The following RPH3A variants were observed in gnomAD, a reference collection of about 807,000 sequenced individuals.
RPH3A encodes the protein rabphilin-3A.
RPH3A carries 48 observed loss-of-function variants against 102.2 expected under a neutral mutation model. The ratio of observed to expected loss-of-function variants is 0.47; its 90% CI spans 0.37 to 0.60. The LOEUF (loss-of-function observed/expected upper bound fraction) is 0.60. RPH3A is among the 20% of genes least tolerant of loss of function. The pLI, the probability that RPH3A is intolerant of heterozygous loss-of-function variation, is 0.00. For missense variants in RPH3A, 781 were observed against 910.1 expected (o/e 0.86, Z 1.83); for synonymous variants, 310 against 324.3 (o/e 0.96, Z 0.47).
At chr12:112,807,893 T>C (rs2041499416) in intron 2 of RPH3A, among the ~76,000 whole-genome samples, 1 of 152,206 alleles carries the variant, frequency 6.6e-6, no homozygotes, top group Admixed American at 6.5e-5. Context: ...ACCTGCTATC[T>C]ACTTTAATTA....
At chr12:112,810,045 G>T (rs1304141475) in intron 2 of RPH3A, among the ~76,000 whole-genome samples, 1 of 152,174 alleles carries the variant, frequency 6.6e-6, no homozygotes, top group Non-Finnish European at 1.5e-5. Flanking sequence ...ATGTGAAAAA[G>T]TAAACAGGCC....
chr12:112,845,638 A>G (rs2042217343), intron 4 of RPH3A, among the ~76,000 whole-genome samples: 1 of 152,204 alleles, frequency 6.6e-6, no homozygotes, highest in South Asian at 2.1e-4. Context: ...CTGTATAATT[A>G]GGCATTTAAC....
intron 3 of RPH3A, among the ~76,000 whole-genome samples, chr12:112,835,538 C>T (rs922424013): frequency 2.6e-5 from 4 of 152,174 alleles, no homozygotes; most frequent in Non-Finnish European, 5.9e-5. Flanking sequence ...CTGAATGCAT[C>T]TGGCTGCTTG....
At chr12:112,701,633 G>T (rs544597150) in intron 1 of RPH3A, among the ~76,000 whole-genome samples, 1 of 152,218 alleles carries the variant, frequency 6.6e-6, no homozygotes, top group Non-Finnish European at 1.5e-5. Flanking sequence ...TTATATTGGG[G>T]AGTGATAGAG....
intron 1 of RPH3A, among the ~76,000 whole-genome samples, chr12:112,675,382 C>G (rs182593356): frequency 1.3e-5 from 2 of 152,208 alleles, no homozygotes; most frequent in Admixed American, 1.3e-4. Context: ...TTACTCAGGT[C>G]CAGGAATCCA....
intron 1 of RPH3A, among the ~76,000 whole-genome samples, chr12:112,768,501 G>A (rs2189272): frequency 0.77 from 117,178 of 152,216 alleles, 45,914 homozygotes; most frequent in African/African-American, 0.91. Flanking sequence ...CTTTGCACTT[G>A]CATTCCCTCC....
At chr12:112,593,098 C>T (rs1010485057) in intron 1 of RPH3A, among the ~76,000 whole-genome samples, 9 of 152,106 alleles carry the variant, frequency 5.9e-5, no homozygotes, top group Admixed American at 2.0e-4. Context: ...AGAGTGGTGC[C>T]CTTATGAATG....
chr12:112,719,306 A>G (rs1371875811), intron 1 of RPH3A, among the ~76,000 whole-genome samples: 1 of 152,218 alleles, frequency 6.6e-6, no homozygotes, highest in Non-Finnish European at 1.5e-5. Flanking sequence ...AAGGCATTCA[A>G]TAAAGGACCC....
intron 2 of RPH3A, among the ~76,000 whole-genome samples, chr12:112,827,443 T>G (rs7970581): frequency 0.78 from 118,016 of 152,072 alleles, 46,014 homozygotes; most frequent in African/African-American, 0.84. Flanking sequence ...TTGTTGATCT[T>G]CTCATCAGTT....
chr12:112,817,136 G>C (rs2041688992), intron 2 of RPH3A, among the ~76,000 whole-genome samples: 1 of 152,176 alleles, frequency 6.6e-6, no homozygotes, highest in Non-Finnish European at 1.5e-5. Context: ...GGGGATCTTA[G>C]TCTCTGGATC....
At chr12:112,850,072 G>A (rs1386352160) in intron 5 of RPH3A, among the ~76,000 whole-genome samples, 1 of 152,206 alleles carries the variant, frequency 6.6e-6, no homozygotes, top group African/African-American at 2.4e-5. Flanking sequence ...CATGGTGGCA[G>A]AGCATTGTGG....
intron 1 of RPH3A, among the ~76,000 whole-genome samples, chr12:112,677,513 C>A (rs1192661619): frequency 2.0e-5 from 3 of 147,562 alleles, no homozygotes; most frequent in Non-Finnish European, 3.0e-5. Flanking sequence ...GAGTTAGGGT[C>A]TTGCTCTGTC....
Position 112,881,759 on chromosome 12 carries a change from C to A in RPH3A, c.1252-13C>A. Reference sequence around the variant, plus strand: ...TCCTGAGGCCCTCACACCATTGCCTCCTTCTCTTGCAGGGCCTGAAGCCCA... The same window carrying A: ...TCCTGAGGCCCTCACACCATTGCCTACTTCTCTTGCAGGGCCTGAAGCCCA... On this transcript the variant is annotated splice_polypyrimidine_tract_variant and intron_variant, in intron 14 of 21. Coordinates refer to ENST00000389385, the MANE Select transcript of RPH3A (RefSeq NM_001143854.2). 6.2e-7 allele frequency: 1 copy of A among 1,605,342 alleles called. No individual in the cohort carries two copies. The highest frequency in any genetic ancestry group is 8.5e-7 in the Non-Finnish European group (1 of 1,174,132).
rs1221035829 is a variant in RPH3A at position 112,875,071 on chromosome 12, CT to C, written c.797-10del. ...TGACACATAATGGCTGTTTTCTTTT[CT>C]TTCCTCTGCAGGTTTGAGACGGGCC... On this transcript the variant is annotated splice_polypyrimidine_tract_variant and intron_variant, in intron 10 of 21. Coordinates refer to ENST00000389385, the MANE Select transcript of RPH3A (RefSeq NM_001143854.2). 1 of 1,595,494 alleles carries C rather than the reference CT, an allele frequency of 6.3e-7. No homozygotes were observed. The highest frequency in any genetic ancestry group is 8.5e-7 in the Non-Finnish European group (1 of 1,171,006).
intron 1 of RPH3A, among the ~76,000 whole-genome samples, chr12:112,742,280 G>A (rs2040714613): frequency 6.6e-6 from 1 of 152,142 alleles, no homozygotes; most frequent in South Asian, 2.1e-4. Context: ...ACATTATTAA[G>A]GCATTCTTGC....
chr12:112,831,283 G>A (rs545201147), intron 3 of RPH3A, among the ~76,000 whole-genome samples: 1 of 151,754 alleles, frequency 6.6e-6, no homozygotes, highest in African/African-American at 2.4e-5. Flanking sequence ...TGGGCTTGGG[G>A]GTTTACAAAT....
upstream of RPH3A, among the ~76,000 whole-genome samples, chr12:112,788,419 A>G (rs898243112): frequency 3.3e-5 from 5 of 152,178 alleles, no homozygotes; most frequent in Admixed American, 2.6e-4. Context: ...GGCCTGGTTT[A>G]GGAAAAACTG....
chr12:112,832,382 A>G (rs931623273), intron 3 of RPH3A, among the ~76,000 whole-genome samples: 1 of 152,102 alleles, frequency 6.6e-6, no homozygotes, highest in African/African-American at 2.4e-5. Flanking sequence ...TTCAATCCAA[A>G]TTTTATTTCT....
chr12:112,619,268 G>A (rs1200130512), intron 1 of RPH3A, among the ~76,000 whole-genome samples: 1 of 150,492 alleles, frequency 6.6e-6, no homozygotes, highest in East Asian at 1.9e-4. Context: ...GTGTGTGTGT[G>A]TGTGTGTGTG....
Sources: allele counts gnomAD v4.1 joint callset (sites outside exome capture counted in the v4.1 genomes callset), GRCh38; gene constraint gnomAD v4.1.1; transcripts MANE v1.5; gene names NCBI Gene and HGNC (gene_info 2026-07-23, HGNC 2026-07-21).